The following CASP4 variants were observed in gnomAD, a reference collection of about 807,000 sequenced individuals.
The protein encoded by CASP4 is caspase-4.
Under a neutral mutation model 41.3 loss-of-function variants are expected in CASP4, and 29 were observed. The ratio of observed to expected loss-of-function variants is 0.70; its 90% CI spans 0.52 to 0.96. The LOEUF is 0.96. Ranked by LOEUF, CASP4 falls within the 40% of genes least tolerant of loss-of-function variation. The pLI, the probability that CASP4 is intolerant of heterozygous loss-of-function variation, is 0.00. For synonymous variants in CASP4, 185 were observed against 158.4 expected, an observed-to-expected ratio of 1.17 and a Z score of -1.26; for missense variants, 447 against 460.6, an observed-to-expected ratio of 0.97 and a Z score of 0.27.
chr11:104,964,897 A>C (rs1198398046), intron 1 of CASP4, among the ~76,000 whole-genome samples: 2 of 152,210 alleles, frequency 1.3e-5, no homozygotes, highest in Non-Finnish European at 2.9e-5. Flanking sequence ...ATTTAAACAA[A>C]AAACAGCCTA....
rs113465370 is a variant in CASP4, at chr11:104,945,832, T to C, written c.1036-981A>G. Among the ~76,000 whole-genome samples, 337 of 152,174 alleles carry C rather than the reference T, an allele frequency of 2.2e-3. 1 individual carries two copies. The highest frequency in any genetic ancestry group is 6.9e-3 in the African/African-American group (286 of 41,534). Reference sequence around the variant, plus strand: ...TCCTCCTTCTCCTCCTCCTTCTTCTTATTTCACTACTTTTCTTTCTTTTTC... The same window carrying C: ...TCCTCCTTCTCCTCCTCCTTCTTCTCATTTCACTACTTTTCTTTCTTTTTC... On this transcript the variant is annotated intron_variant, in intron 7 of 8. Transcript: ENST00000444739.
chr11:104,954,650 G>A lies in CASP4; in HGVS notation c.262+97C>T, dbSNP rs537262089. On this transcript the variant is annotated intron_variant, in intron 2 of 8. Coordinates refer to ENST00000444739, the MANE Select transcript of CASP4 (RefSeq NM_001225.4). ...TTAGTGAAAATGATAGTTTAGGAAG[G>A]GAAAGATAGGGGAATCACAGAAGAC... 4 of 1,112,094 alleles carry A rather than the reference G, an allele frequency of 3.6e-6. No individual in the cohort carries two copies. In the East Asian group the frequency reaches 7.1e-5, roughly 20 times the overall value. 68.9% of individuals were successfully genotyped at this position (1,112,094 alleles called of 1,614,324 possible).
At chr11:104,944,368 CTGTG>C (rs199937164) in intron 8 of CASP4, 80,765 of 140,418 alleles carry the variant, frequency 0.58, 23,361 homozygotes, top group East Asian at 0.74. Context: ...CTCTCTCTCT[CTGTG>C]TGTGTGTGTG....
chr11:104,949,379 C>A, intron 5 of CASP4, 164 bp downstream of exon 5: 1 of 716,582 alleles, frequency 1.4e-6, no homozygotes, highest in Admixed American at 2.9e-5. Flanking sequence ...TTTGATGAGA[C>A]AATTTCTTGT....
At chr11:104,966,693 A>G (rs1195697435) in intron 1 of CASP4, among the ~76,000 whole-genome samples, 1 of 152,128 alleles carries the variant, frequency 6.6e-6, no homozygotes, top group African/African-American at 2.4e-5. Flanking sequence ...TTTAGAAGGA[A>G]TAGAAATGTG....
At position 104,947,074 on chromosome 11, in the gene CASP4, G is replaced by A; in HGVS notation, c.1035+9C>T. ...GAAATAAATGAGTAACTAGAAAAGA[G>A]ACACTTACCTTCCGAAATACTTCCT... On this transcript the variant is annotated intron_variant, in intron 7 of 8. Coordinates refer to ENST00000444739, the MANE Select transcript of CASP4 (RefSeq NM_001225.4). 1 of 1,526,342 alleles carries A rather than the reference G, an allele frequency of 6.6e-7. No homozygotes were observed. Among genetic ancestry groups the A allele is most frequent in the Non-Finnish European group, 9.1e-7 (1 of 1,101,952 alleles). 94.5% of individuals were successfully genotyped at this position (1,526,342 alleles called of 1,614,324 possible). A position where few individuals can be genotyped will look rare whatever the true frequency, so the allele number is the denominator to read the frequency against.
intron 2 of CASP4, 71 bp from the exon 3 acceptor site, chr11:104,952,076 A>G: frequency 3.3e-6 from 3 of 900,378 alleles, no homozygotes. Flanking sequence ...AAGAAGATCG[A>G]GAGAGAAGAC....
chr11:104,951,733 G>T (rs1860617463), intron 3 of CASP4, 163 bp downstream of exon 3: 1 of 675,492 alleles, frequency 1.5e-6, no homozygotes, highest in South Asian at 1.6e-5. Context: ...GAAAGGATTG[G>T]TATCATTGTG....
At chr11:104,949,305 G>T in intron 5 of CASP4, 1 of 533,030 alleles carries the variant, frequency 1.9e-6, no homozygotes, top group South Asian at 2.8e-5. Context: ...TTTGATTTAG[G>T]GATTCTGATG....
intron 1 of CASP4, among the ~76,000 whole-genome samples, chr11:104,959,527 G>A (rs971917569): frequency 6.6e-6 from 1 of 152,144 alleles, no homozygotes; most frequent in African/African-American, 2.4e-5. Context: ...ATGCTTAAAA[G>A]AATAAATAAA....
chr11:104,958,542 A>G (rs1409797997), intron 1 of CASP4, among the ~76,000 whole-genome samples: 1 of 152,208 alleles, frequency 6.6e-6, no homozygotes, highest in Non-Finnish European at 1.5e-5. Flanking sequence ...TCTAGCCACC[A>G]GGGAAATTGA....
At chr11:104,965,678 A>G (rs951464123) in intron 1 of CASP4, among the ~76,000 whole-genome samples, 1 of 152,196 alleles carries the variant, frequency 6.6e-6, no homozygotes, top group Non-Finnish European at 1.5e-5. Flanking sequence ...CTTTTCTCGA[A>G]AAGACCCTCT....
chr11:104,945,859 T>G (rs77093613), intron 7 of CASP4, among the ~76,000 whole-genome samples: 1,939 of 152,208 alleles, frequency 0.013, 16 homozygotes, highest in Non-Finnish European at 0.02. Flanking sequence ...TTCTTTTTCT[T>G]TTTTTAAGAC....
chr11:104,966,977 A>C (rs1177163866), intron 1 of CASP4, among the ~76,000 whole-genome samples: 1 of 152,224 alleles, frequency 6.6e-6, no homozygotes, highest in African/African-American at 2.4e-5. Flanking sequence ...TTTTTAAAGA[A>C]ATGGTTACTA....
intron 1 of CASP4, among the ~76,000 whole-genome samples, chr11:104,963,643 C>G (rs1860910003): frequency 2.0e-5 from 3 of 152,222 alleles, no homozygotes; most frequent in Admixed American, 2.0e-4. Flanking sequence ...GAAGCATGCT[C>G]TGGGCCACCT....
intron 1 of CASP4, among the ~76,000 whole-genome samples, chr11:104,960,908 T>G (rs1479526988): frequency 1.1e-4 from 17 of 152,100 alleles, no homozygotes; most frequent in Admixed American, 1.1e-3. Context: ...TACTAGTTAT[T>G]TACTGAATAT....
chr11:104,951,267 A>G, intron 3 of CASP4, 169 bp from the exon 4 acceptor site: 1 of 500,076 alleles, frequency 2.0e-6, no homozygotes, highest in Non-Finnish European at 3.5e-6. Context: ...AGAACCGGAC[A>G]TATCTGAAAT....
At chr11:104,964,031 C>A (rs1025522826) in intron 1 of CASP4, among the ~76,000 whole-genome samples, 10 of 152,224 alleles carry the variant, frequency 6.6e-5, no homozygotes, top group East Asian at 1.9e-4. Flanking sequence ...ATATAAACTT[C>A]TATAATTCTG....
chr11:104,944,811 A>G lies in CASP4; in HGVS notation c.1076T>C (p.Met359Thr), dbSNP rs746752553. 1.9e-6 allele frequency: 3 copies of G among 1,613,756 alleles called. No individual in the cohort carries two copies. Among genetic ancestry groups the G allele is most frequent in the African/African-American group, 1.3e-5 (1 of 75,048 alleles). ...SFETPRAKAQ[M>T]PTIERLSMTR... Reference sequence around the variant, plus strand: ...CATGGACAGTCGTTCTATGGTGGGCATTTGAGCTTTGGCCCTTGGAGTTTC... The same window carrying G: ...CATGGACAGTCGTTCTATGGTGGGCGTTTGAGCTTTGGCCCTTGGAGTTTC... Residue 359 changes from methionine (M) to threonine (T), a missense_variant, in exon 8 of 9, where the codon ATG becomes ACG. By Grantham distance (81) the Met-to-Thr change is moderately conservative. Transcript: ENST00000444739.
Sources: allele counts gnomAD v4.1 joint callset (sites outside exome capture counted in the v4.1 genomes callset), GRCh38; gene constraint gnomAD v4.1.1; transcripts MANE v1.5; gene names NCBI Gene and HGNC (gene_info 2026-07-23, HGNC 2026-07-21).